Variants in DNAH5 observed in about 807,000 individuals in gnomAD.
DNAH5 encodes the protein axonemal beta dynein heavy chain 5.
A neutral mutation model predicts 518.2 loss-of-function variants in DNAH5; 372 were observed. The observed-to-expected ratio is 0.72, with a 90% CI of 0.66 to 0.78. DNAH5 has a LOEUF of 0.78. DNAH5 is among the 30% of genes least tolerant of loss of function. DNAH5 has a pLI of 0.00. For missense variants in DNAH5, 5,523 were observed against 5,687.0 expected, an observed-to-expected ratio of 0.97 and a Z score of 0.93; for synonymous variants, 2,039 against 2,025.9, an observed-to-expected ratio of 1.01 and a Z score of -0.17.
chr5:13,823,235 G>T, intron 40 of DNAH5, 28 bp downstream of exon 40: 1 of 1,387,532 alleles, frequency 7.2e-7, no homozygotes, highest in Non-Finnish European at 1.0e-6. Flanking sequence ...ACAGACACCA[G>T]CCCTCGTTGC....
chr5:13,815,223 C>A (rs372582156), intron 42 of DNAH5, among the ~76,000 whole-genome samples: 1 of 152,034 alleles, frequency 6.6e-6, no homozygotes, highest in African/African-American at 2.4e-5. Context: ...TACAAAAAAA[C>A]TAAGTAGAAT....
intron 35 of DNAH5, among the ~76,000 whole-genome samples, chr5:13,839,056 C>CTA (rs1764803986): frequency 6.6e-6 from 1 of 152,084 alleles, no homozygotes; most frequent in Admixed American, 6.5e-5. Context: ...GCAAGGCCCA[C>CTA]TGTGATTTGC....
Position 13,999,161 on chromosome 5 carries a change from G to A in DNAH5, c.12+12487C>T, listed in dbSNP as rs1331803136. ...TGCTGGGATTACAGGCGTGAGCCAC[G>A]ATGACCGGCCTGCCATTAATTACTT... is the stretch of plus-strand genomic sequence containing the variant. On this transcript the variant is annotated intron_variant, in intron 1 of 78. Coordinates refer to the DNAH5 transcript ENST00000681290. Among the ~76,000 whole-genome samples, 7 of 152,316 alleles carry A rather than the reference G, an allele frequency of 4.6e-5. 1 individual carries two copies. The highest frequency in any genetic ancestry group is 4.8e-5 in the African/African-American group (2 of 41,566).
chr5:13,774,483 T>C (rs577134573), intron 55 of DNAH5, among the ~76,000 whole-genome samples: 8 of 152,032 alleles, frequency 5.3e-5, no homozygotes, highest in Admixed American at 1.3e-4. Context: ...GGAGAAAAAA[T>C]TGATGGCACG....
intron 8 of DNAH5, 149 bp downstream of exon 8, chr5:13,916,994 A>G: frequency 2.9e-6 from 2 of 680,492 alleles, no homozygotes; most frequent in Non-Finnish European, 5.2e-6. Flanking sequence ...CTGCGTGTAT[A>G]TACCTATATA....
chr5:13,723,487 CA>C (rs577065644), intron 70 of DNAH5, among the ~76,000 whole-genome samples: 7 of 152,330 alleles, frequency 4.6e-5, no homozygotes, highest in Middle Eastern at 3.4e-3. Context: ...TATAACTCAG[CA>C]TTGACCCAGT....
chr5:13,709,708 C>G (rs190409561), intron 75 of DNAH5, among the ~76,000 whole-genome samples: 1 of 152,188 alleles, frequency 6.6e-6, no homozygotes, highest in East Asian at 1.9e-4. Context: ...CAGGAGACAC[C>G]CCAAATACTG....
intron 51 of DNAH5, among the ~76,000 whole-genome samples, chr5:13,787,337 T>C (rs1756212622): frequency 6.6e-6 from 1 of 152,198 alleles, no homozygotes; most frequent in Non-Finnish European, 1.5e-5. Context: ...AGAATTTCAC[T>C]GGGTACGAGA....
chr5:13,949,250 C>T (rs1780175168), upstream of DNAH5, among the ~76,000 whole-genome samples: 1 of 152,120 alleles, frequency 6.6e-6, no homozygotes, highest in Non-Finnish European at 1.5e-5. Context: ...ATCTTGAAAA[C>T]ATGAAGGCCA....
intron 7 of DNAH5, among the ~76,000 whole-genome samples, chr5:13,918,461 G>A (rs1776888601): frequency 6.6e-6 from 1 of 152,032 alleles, no homozygotes; most frequent in South Asian, 2.1e-4. Flanking sequence ...TTGAAATATT[G>A]GCTGTTTTTG....
chr5:13,916,307 A>T, intron 9 of DNAH5, 41 bp downstream of exon 9: 1 of 1,154,926 alleles, frequency 8.7e-7, no homozygotes, highest in Non-Finnish European at 1.3e-6. Flanking sequence ...ATCACTGGCA[A>T]AGAAATACAA....
At chr5:13,786,061 A>G in intron 52 of DNAH5, 118 bp downstream of exon 52, 1 of 979,100 alleles carries the variant, frequency 1.0e-6, no homozygotes, top group Non-Finnish European at 1.6e-6. Context: ...TATAGCATGG[A>G]GTCTAATTTT....
chr5:13,865,685 G>T lies in DNAH5; in HGVS notation c.4338C>A (p.Leu1446=). 1 of 1,576,310 alleles carries T rather than the reference G, an allele frequency of 6.3e-7. No individual in the cohort carries two copies. The highest frequency in any genetic ancestry group is 1.1e-5 in the South Asian group (1 of 90,250). ...EVNIEKINNE[L]LEFQNRCRKL... ...TTTCTTACCTGTTCTGGAATTCTAA[G>T]AGTTCATTGTTAATTTTTTCAATAT... The change falls in exon 27 of 79, where the codon CTC becomes CTA. Residue 1446 remains leucine (L), a synonymous_variant. Coordinates refer to ENST00000265104, the MANE Select transcript of DNAH5 (RefSeq NM_001369.3).
chr5:13,920,326 G>A (rs1383317165), intron 6 of DNAH5, among the ~76,000 whole-genome samples, 154 bp downstream of exon 6: 1 of 152,210 alleles, frequency 6.6e-6, no homozygotes, highest in Non-Finnish European at 1.5e-5. Context: ...CTTAATTCAT[G>A]ACAGTAAAGG....
In DNAH5 at chr5:13,758,891, A is replaced by G. The variant is rs768186812; in HGVS notation, c.10374T>C (p.Leu3458=). The G allele has an allele frequency of 3.7e-6, 6 of 1,614,072 alleles. No individual in the cohort carries two copies. The highest frequency in any genetic ancestry group is 3.4e-6 in the Non-Finnish European group (4 of 1,180,026). ...QAELDDKQAE[L]DVVQAEYEQA... ...GTTCATACTCAGCCTGCACCACGTC[A>G]AGTTCCGCCTGCTTGTCATCCAACT... Residue 3458 remains leucine (L), a synonymous_variant, in exon 61 of 79, where the codon CTT becomes CTC. Transcript: ENST00000265104.
chr5:13,870,696 A>T, intron 24 of DNAH5, 71 bp downstream of exon 24: 1 of 1,343,518 alleles, frequency 7.4e-7, no homozygotes, highest in African/African-American at 1.4e-5. Flanking sequence ...CTCCAGACCC[A>T]GTCAATATTT....
At chr5:13,956,471 G>C (rs953753170) in intron 1 of DNAH5, among the ~76,000 whole-genome samples, 1 of 152,080 alleles carries the variant, frequency 6.6e-6, no homozygotes, top group South Asian at 2.1e-4. Flanking sequence ...CCTTTTTCAT[G>C]CCATTGTTGT....
intron 1 of DNAH5, among the ~76,000 whole-genome samples, chr5:14,008,673 A>C (rs1784902555): frequency 6.6e-6 from 1 of 152,142 alleles, no homozygotes; most frequent in South Asian, 2.1e-4. Flanking sequence ...GGGAGGGCAA[A>C]GGTGGAGAGG....
In DNAH5 at chr5:13,901,232, G is replaced by T. The variant is rs1774563167; in HGVS notation, c.2052+20C>A. ...TCCCATGATTCCAACAATGGGAAGA[G>T]TATAAATTTAGGGACTCACTTGCCG... On this transcript the variant is annotated intron_variant, in intron 14 of 78. Transcript: ENST00000265104. 6.2e-7 allele frequency: 1 copy of T among 1,609,314 alleles called. No homozygotes were observed. Among genetic ancestry groups the T allele is most frequent in the African/African-American group, 1.3e-5 (1 of 74,890 alleles).
Sources: gnomAD v4.1 joint callset for allele counts (sites outside exome capture counted in the v4.1 genomes callset) on GRCh38, gnomAD v4.1.1 for gene constraint, MANE v1.5 for transcripts, NCBI Gene and HGNC (gene_info 2026-07-23, HGNC 2026-07-21) for gene names.